DOCK9: variants seen among roughly 807,000 people sequenced by gnomAD.
The protein encoded by DOCK9 is dedicator of cytokinesis protein 9.
In DOCK9, 89 loss-of-function variants were observed where a neutral mutation model predicts 263.3. The observed-to-expected ratio is 0.34, with a 90% confidence interval of 0.28 to 0.40. DOCK9 has a LOEUF of 0.40. DOCK9 is among the 10% of genes least tolerant of loss of function. The pLI is 1.00. For missense variants in DOCK9, 2,140 were observed against 2,603.4 expected (o/e 0.82, Z 3.87); for synonymous variants, 976 against 973.1 (o/e 1.00, Z -0.06).
At chr13:99,013,350 AGCAATCCT>A (rs1310997616) in intron 1 of DOCK9, among the ~76,000 whole-genome samples, 6 of 152,182 alleles carry the variant, frequency 3.9e-5, no homozygotes, top group Non-Finnish European at 7.4e-5. Context: ...CATGGCCTCA[AGCAATCCT>A]CCTGCCTTGG....
rs1566616385 is a variant in DOCK9 at position 98,825,804 on chromosome 13, C to A, written c.5023+1026G>T. On this transcript the variant is annotated intron_variant, in intron 44 of 52. Coordinates refer to ENST00000682017, the MANE Select transcript of DOCK9 (RefSeq NM_001366683.2). The surrounding 1 kb of genome is among the most constrained non-coding windows in gnomAD (Gnocchi z 4.1). Reference sequence around the variant, plus strand: ...CCATGCAAAGTTAAAAGGGCAAATCCCCCACCACGGGAGGGCACGTGACCA... The same window carrying A: ...CCATGCAAAGTTAAAAGGGCAAATCACCCACCACGGGAGGGCACGTGACCA... 2 of 1,092,812 alleles carry A rather than the reference C, an allele frequency of 1.8e-6. No individual in the cohort carries two copies. The highest frequency in any genetic ancestry group is 2.5e-6 in the Non-Finnish European group (2 of 807,824). 67.7% of individuals were successfully genotyped at this position (1,092,812 alleles called of 1,614,324 possible).
chr13:98,958,438 A>T (rs2058304027), intron 1 of DOCK9, among the ~76,000 whole-genome samples: 1 of 152,166 alleles, frequency 6.6e-6, no homozygotes, highest in Admixed American at 6.5e-5. Flanking sequence ...TTCCTTGGGG[A>T]TCTCTGTTCC....
At chr13:98,815,504 G>A (rs541143148) in intron 45 of DOCK9, among the ~76,000 whole-genome samples, 13 of 151,686 alleles carry the variant, frequency 8.6e-5, no homozygotes, top group African/African-American at 2.2e-4. Flanking sequence ...TTTTTGAGAC[G>A]GAGTCTCACT....
In DOCK9 at chr13:98,859,565, AG is replaced by A. The variant is rs1258384167; in HGVS notation, c.3697+839del. Reference sequence around the variant, plus strand: ...CAAGTCCTGTGAGTTAATTGGATAAAGGCTGCCATTTATTTTATCCCATGAA... The same window carrying A: ...CAAGTCCTGTGAGTTAATTGGATAAAGCTGCCATTTATTTTATCCCATGAA... On this transcript the variant is annotated intron_variant, in intron 33 of 52. Transcript: ENST00000682017. 4 of 152,190 alleles carry A rather than the reference AG, an allele frequency of 2.6e-5. No homozygotes were observed. The East Asian group carries it at 7.7e-4, about 29-fold the overall frequency. 9.4% of individuals were successfully genotyped at this position (152,190 alleles called of 1,614,324 possible). A position where few individuals can be genotyped will look rare whatever the true frequency, so the allele number is the denominator to read the frequency against.
intron 47 of DOCK9, among the ~76,000 whole-genome samples, chr13:98,808,198 C>T (rs1194010884): frequency 2.0e-5 from 3 of 152,184 alleles, no homozygotes; most frequent in Non-Finnish European, 2.9e-5. Context: ...CTCCTGATGG[C>T]TCCCATGCAC....
intron 1 of DOCK9, among the ~76,000 whole-genome samples, chr13:99,078,202 A>G (rs1026947394): frequency 4.6e-5 from 7 of 152,176 alleles, no homozygotes; most frequent in African/African-American, 1.7e-4. Context: ...GCGGGGCACA[A>G]CATGCGGTAG....
Position 98,914,298 on chromosome 13 carries a change from C to T in DOCK9, c.960+30G>A, listed in dbSNP as rs773946466. 1.5e-5 allele frequency: 24 copies of T among 1,584,058 alleles called. No individual in the cohort carries two copies. The East Asian group carries it at 2.0e-4, about 13-fold the overall frequency. On this transcript the variant is annotated intron_variant, in intron 9 of 52. Coordinates refer to ENST00000682017, the MANE Select transcript of DOCK9 (RefSeq NM_001366683.2). ...TGAGACATACTTCAACAGCATTCAA[C>T]GAAGAGCAGAAGATATAAGACGATG...
chr13:98,924,139 T>G (rs1464325192), intron 4 of DOCK9, among the ~76,000 whole-genome samples: 1 of 152,164 alleles, frequency 6.6e-6, no homozygotes, highest in Admixed American at 6.5e-5. Flanking sequence ...GCCAATCCAA[T>G]GGGAAGAATT....
chr13:98,951,570 C>G (rs1022248899), intron 2 of DOCK9, among the ~76,000 whole-genome samples: 1 of 152,216 alleles, frequency 6.6e-6, no homozygotes, highest in Non-Finnish European at 1.5e-5. Context: ...AGGTCGTGAA[C>G]AGCCAAGACC....
Position 98,929,629 on chromosome 13 carries a change from T to C in DOCK9, c.333+539A>G, listed in dbSNP as rs569144166. On this transcript the variant is annotated intron_variant, in intron 3 of 52. Coordinates refer to ENST00000682017, the MANE Select transcript of DOCK9 (RefSeq NM_001366683.2). The stretch of plus-strand genomic sequence containing the variant: ...TATTTGCATTTTCAAACAAAAATAA[T>C]ATTAATCAATGTATCTTGATTAGGA... Among the ~76,000 whole-genome samples the C allele has an allele frequency of 2.0e-5, 3 of 151,960 alleles. No individual in the cohort carries two copies. The East Asian group carries it at 5.8e-4, about 29-fold the overall frequency.
At chr13:98,885,569 A>G (rs1301488068) in intron 20 of DOCK9, 139 bp downstream of exon 20, 1 of 907,728 alleles carries the variant, frequency 1.1e-6, no homozygotes, top group Non-Finnish European at 1.6e-6. Context: ...TATGCAACCC[A>G]GACATGCTAC....
intron 43 of DOCK9, among the ~76,000 whole-genome samples, chr13:98,828,524 TA>T (rs1419006182): frequency 2.0e-5 from 3 of 152,234 alleles, no homozygotes; most frequent in African/African-American, 4.8e-5. Flanking sequence ...AATAAATATG[TA>T]AAAATAGTTA....
At chr13:98,803,139 G>T (rs972627245) in intron 49 of DOCK9, among the ~76,000 whole-genome samples, 1 of 152,124 alleles carries the variant, frequency 6.6e-6, no homozygotes, top group African/African-American at 2.4e-5. Context: ...GCTGTGGACG[G>T]CAATCCCCAA....
chr13:98,998,890 T>C lies in DOCK9; in HGVS notation c.130-43339A>G, dbSNP rs367550015. ...GTTTCACTTTGGGCTACTGTCAAAA[T>C]TAGTTTGCAACCCCAAACTCACAAT... On this transcript the variant is annotated intron_variant, in intron 1 of 32. Transcript: ENST00000427887. Among the ~76,000 whole-genome samples the C allele has an allele frequency of 1.4e-4, 22 of 152,206 alleles. 1 individual carries two copies. In the South Asian group the frequency reaches 4.6e-3, roughly 32 times the overall value.
At chr13:98,923,867 T>A (rs776703073) in intron 4 of DOCK9, among the ~76,000 whole-genome samples, 1 of 152,184 alleles carries the variant, frequency 6.6e-6, no homozygotes, top group African/African-American at 2.4e-5. Context: ...TTAATCATGG[T>A]GACTGTTGTT....
At chr13:98,918,379 C>T (rs1331542887) in intron 7 of DOCK9, among the ~76,000 whole-genome samples, 1 of 151,570 alleles carries the variant, frequency 6.6e-6, no homozygotes, top group Non-Finnish European at 1.5e-5. Flanking sequence ...AAGAGCCGAG[C>T]TCCAGAAAGA....
intron 1 of DOCK9, among the ~76,000 whole-genome samples, chr13:99,047,118 G>A (rs1038205429): frequency 3.3e-5 from 5 of 152,160 alleles, no homozygotes; most frequent in African/African-American, 1.2e-4. Context: ...AATAAAAATG[G>A]CCAAGCCTAT....
intron 13 of DOCK9, among the ~76,000 whole-genome samples, chr13:98,898,474 C>A (rs1403013883): frequency 6.6e-6 from 1 of 152,202 alleles, no homozygotes. Context: ...TCAAAGAATA[C>A]AGAACGAAGA....
chr13:98,888,084 G>T, intron 18 of DOCK9, 74 bp downstream of exon 18: 2 of 960,536 alleles, frequency 2.1e-6, no homozygotes, highest in South Asian at 3.1e-5. Flanking sequence ...GTAGTTGTAC[G>T]GTATCATGAA....
Sources: allele counts gnomAD v4.1 joint callset (sites outside exome capture counted in the v4.1 genomes callset), GRCh38; gene constraint gnomAD v4.1.1; non-coding constraint Gnocchi (gnomAD v3.1); transcripts MANE v1.5; gene names NCBI Gene and HGNC (gene_info 2026-07-23, HGNC 2026-07-21).